The following NCR1 variants were observed in gnomAD, a reference collection of about 807,000 sequenced individuals.
NCR1 encodes NK cell-activating receptor.
Under a neutral mutation model 32.5 loss-of-function variants are expected in NCR1, and 30 were observed. The ratio of observed to expected loss-of-function variants is 0.92; its 90% confidence interval spans 0.69 to 1.25. The LOEUF is 1.25. Among genes scored for constraint, NCR1 ranks in the 50% most tolerant of loss-of-function variants. NCR1 has a pLI of 0.00. For synonymous variants in NCR1, 169 were observed against 143.4 expected (o/e 1.18, Z -1.28); for missense variants, 369 against 380.7 (o/e 0.97, Z 0.26).
chr19:54,933,052 C>G, the NCR1 span, among the ~76,000 whole-genome samples: 10 of 152,146 alleles, frequency 6.6e-5, no homozygotes, highest in Non-Finnish European at 1.2e-4. Flanking sequence ...ATCCGAGAAC[C>G]AACTACTCAT....
At chr19:54,898,761 GGAGAGGTCA>G in the NCR1 span, among the ~76,000 whole-genome samples, 1 of 152,112 alleles carries the variant, frequency 6.6e-6, no homozygotes, top group African/African-American at 2.4e-5. Context: ...ATCTGATTTG[GGAGAGGTCA>G]GATAAAGAAA....
chr19:54,910,312 CT>C (rs1376113210), intron 5 of NCR1, among the ~76,000 whole-genome samples: 1 of 152,096 alleles, frequency 6.6e-6, no homozygotes, highest in African/African-American at 2.4e-5. Flanking sequence ...TGGCTCACAC[CT>C]GTAATCCCAA....
chr19:54,927,428 T>C, the NCR1 span, among the ~76,000 whole-genome samples: 9 of 151,166 alleles, frequency 6.0e-5, no homozygotes, highest in Non-Finnish European at 1.2e-4. Context: ...CATGTTGGCA[T>C]GCCTCTAGGC....
chr19:54,922,234 G>A, the NCR1 span, among the ~76,000 whole-genome samples: 1 of 152,166 alleles, frequency 6.6e-6, no homozygotes, highest in Non-Finnish European at 1.5e-5. Flanking sequence ...CAAGCGTGGA[G>A]AGCCAAGTGA....
At chr19:54,937,439 C>A in the NCR1 span, among the ~76,000 whole-genome samples, 240 of 152,002 alleles carry the variant, frequency 1.6e-3, 1 homozygote, top group Non-Finnish European at 2.4e-3. Flanking sequence ...TGCCTGTAAT[C>A]CCAGCACTTT....
chr19:54,905,323 CAGAG>C (rs1315499760), upstream of NCR1, among the ~76,000 whole-genome samples: 1 of 152,070 alleles, frequency 6.6e-6, no homozygotes, highest in East Asian at 1.9e-4. Context: ...ATTTAGGAAT[CAGAG>C]AGACCGAGGG....
the NCR1 span, among the ~76,000 whole-genome samples, chr19:54,921,172 T>C: frequency 1.3e-5 from 2 of 152,178 alleles, no homozygotes; most frequent in African/African-American, 4.8e-5. Context: ...TTCATGTGCA[T>C]GTAGAACCCT....
chr19:54,915,508 C>T (rs867379601), downstream of NCR1, among the ~76,000 whole-genome samples: 1 of 152,036 alleles, frequency 6.6e-6, no homozygotes, highest in Non-Finnish European at 1.5e-5. Context: ...AAATATTAGC[C>T]AGGCGCAGTG....
At chr19:54,934,534 A>G in the NCR1 span, 2 of 1,614,170 alleles carry the variant, frequency 1.2e-6, no homozygotes, top group Admixed American at 1.7e-5. The surrounding 1 kb of genome is among the most constrained non-coding windows in gnomAD (Gnocchi z 6.7). Context: ...GGTCTTGTAC[A>G]GCAACATGGC....
chr19:54,935,433 T>C, the NCR1 span, among the ~76,000 whole-genome samples: 4 of 152,082 alleles, frequency 2.6e-5, no homozygotes, highest in African/African-American at 2.4e-5. Context: ...CAGTGGTTCA[T>C]GCCTGTAATC....
the NCR1 span, chr19:54,936,129 C>A: frequency 1.1e-3 from 877 of 791,088 alleles, 7 homozygotes; most frequent in East Asian, 0.021. Context: ...GACTCCCCCA[C>A]ACAGGCCTGT....
At chr19:54,923,772 T>C in the NCR1 span, 6,776 of 1,613,772 alleles carry the variant, frequency 4.2e-3, 196 homozygotes, top group African/African-American at 0.074. Flanking sequence ...GGAGGTGCCG[T>C]TGCCCCGGAA....
At chr19:54,918,515 C>A (rs1020176782), downstream of NCR1, among the ~76,000 whole-genome samples, 1 of 152,134 alleles carries the variant, frequency 6.6e-6, no homozygotes. Flanking sequence ...CTCAAGTGAT[C>A]GGCCCGCCTG....
intron 5 of NCR1, among the ~76,000 whole-genome samples, chr19:54,911,792 G>A (rs2073625576): frequency 6.6e-6 from 1 of 152,000 alleles, no homozygotes; most frequent in South Asian, 2.1e-4. Context: ...GGGAGTTCAA[G>A]ACCAGCCTGG....
chr19:54,919,714 A>ACAC (rs1340754463), downstream of NCR1, among the ~76,000 whole-genome samples: 546 of 100,008 alleles, frequency 5.5e-3, 6 homozygotes, highest in African/African-American at 0.018. Context: ...GGAAAGGGAG[A>ACAC]CCCCCCCCCC....
upstream of NCR1, among the ~76,000 whole-genome samples, chr19:54,902,349 G>C (rs1205971453): frequency 1.3e-5 from 2 of 151,636 alleles, no homozygotes; most frequent in African/African-American, 4.8e-5. Context: ...ACCCAGGCTA[G>C]AGTGCAGTGG....
At chr19:54,925,609 C>A in the NCR1 span, among the ~76,000 whole-genome samples, 10,210 of 152,146 alleles carry the variant, frequency 0.067, 347 homozygotes, top group East Asian at 0.15. Context: ...AGTTTGAGAA[C>A]CTCGGCAACA....
At chr19:54,904,531 C>CT (rs1556717280), upstream of NCR1, among the ~76,000 whole-genome samples, 10,381 of 119,056 alleles carry the variant, frequency 0.087, 599 homozygotes, top group Middle Eastern at 0.14. Context: ...GTTTTCTTTT[C>CT]TTTTTTTTTT....
chr19:54,934,708 C>T, the NCR1 span: 3 of 1,484,098 alleles, frequency 2.0e-6, no homozygotes, highest in Admixed American at 2.3e-5. The surrounding 1 kb of genome is among the most constrained non-coding windows in gnomAD (Gnocchi z 6.7). Flanking sequence ...CAGAGTATAC[C>T]CTATCAGCTT....
Sources: gnomAD v4.1 joint callset for allele counts (sites outside exome capture counted in the v4.1 genomes callset) on GRCh38, gnomAD v4.1.1 for gene constraint, Gnocchi (gnomAD v3.1) non-coding constraint, MANE v1.5 for transcripts, NCBI Gene and HGNC (gene_info 2026-07-23, HGNC 2026-07-21) for gene names.